Variants in ATG7 observed in about 807,000 individuals in gnomAD.
ATG7 encodes ubiquitin-like modifier-activating enzyme ATG7.
A neutral mutation model predicts 82.4 loss-of-function variants in ATG7; 70 were observed. The ratio of observed to expected loss-of-function variants is 0.85; its 90% CI spans 0.70 to 1.04. ATG7 has a LOEUF of 1.04. Among genes scored for constraint, ATG7 ranks in the 50% least tolerant of loss-of-function variants. ATG7 has a pLI of 0.00. For synonymous variants in ATG7, 287 were observed against 313.0 expected, an observed-to-expected ratio of 0.92 and a Z score of 0.88; for missense variants, 792 against 864.3, an observed-to-expected ratio of 0.92 and a Z score of 1.05.
At chr3:11,551,311 A>T (rs2071757960) in intron 20 of ATG7, among the ~76,000 whole-genome samples, 1 of 152,202 alleles carries the variant, frequency 6.6e-6, no homozygotes, top group Admixed American at 6.5e-5. Flanking sequence ...GTTTTTCCAC[A>T]TAGCCTAGAA....
intron 3 of ATG7, among the ~76,000 whole-genome samples, chr3:11,288,084 A>G (rs994635007): frequency 6.6e-6 from 1 of 152,194 alleles, no homozygotes; most frequent in Non-Finnish European, 1.5e-5. Flanking sequence ...AATATTTACT[A>G]TCTGGCCTTC....
intron 20 of ATG7, among the ~76,000 whole-genome samples, chr3:11,512,869 G>C (rs1229637269): frequency 6.6e-6 from 1 of 152,204 alleles, no homozygotes; most frequent in African/African-American, 2.4e-5. Context: ...ACAGAGAGCT[G>C]ATTGGTCCAT....
chr3:11,417,983 AT>A (rs892332434), intron 19 of ATG7, among the ~76,000 whole-genome samples: 1 of 144,034 alleles, frequency 6.9e-6, no homozygotes, highest in Admixed American at 6.9e-5. Context: ...GATTTTTTGT[AT>A]TTTTTTTAGT....
At chr3:11,285,707 C>A (rs565180724) in intron 3 of ATG7, among the ~76,000 whole-genome samples, 3 of 152,076 alleles carry the variant, frequency 2.0e-5, no homozygotes, top group African/African-American at 7.2e-5. Context: ...TGTTGAACAA[C>A]GTATAAAGCT....
chr3:11,546,297 G>A (rs1035873092), intron 20 of ATG7, among the ~76,000 whole-genome samples: 5 of 146,940 alleles, frequency 3.4e-5, no homozygotes, highest in African/African-American at 1.3e-4. Flanking sequence ...TCAGCCTCCC[G>A]AGTAGCTGGG....
chr3:11,541,896 C>T (rs754537996), intron 20 of ATG7, among the ~76,000 whole-genome samples: 3 of 152,236 alleles, frequency 2.0e-5, no homozygotes, highest in Non-Finnish European at 4.4e-5. Context: ...ATAACCATTT[C>T]GTTTAAAATG....
chr3:11,410,621 A>C (rs2080807444), intron 19 of ATG7, among the ~76,000 whole-genome samples: 1 of 152,148 alleles, frequency 6.6e-6, no homozygotes, highest in African/African-American at 2.4e-5. Flanking sequence ...CCTGCCAGCC[A>C]CTTTTCTAAG....
chr3:11,485,247 G>C (rs759851379), intron 20 of ATG7, among the ~76,000 whole-genome samples: 3 of 152,152 alleles, frequency 2.0e-5, no homozygotes, highest in Non-Finnish European at 2.9e-5. Flanking sequence ...TAACTGGTGT[G>C]AGATATCTCA....
At chr3:11,534,562 G>A (rs534936096) in intron 20 of ATG7, among the ~76,000 whole-genome samples, 3 of 152,360 alleles carry the variant, frequency 2.0e-5, no homozygotes, top group Admixed American at 1.3e-4. Flanking sequence ...TTCATGCCGG[G>A]TGGCTACGTG....
chr3:11,428,105 C>T (rs1429913758), intron 20 of ATG7, among the ~76,000 whole-genome samples: 1 of 152,176 alleles, frequency 6.6e-6, no homozygotes, highest in African/African-American at 2.4e-5. Flanking sequence ...TGCAATTCTT[C>T]CCACCAGCTA....
At chr3:11,358,683 C>G in intron 15 of ATG7, 71 bp downstream of exon 15, 2 of 1,491,874 alleles carry the variant, frequency 1.3e-6, no homozygotes, top group Admixed American at 3.9e-5. Flanking sequence ...TGTCCCTAAC[C>G]TTCCCTTCCC....
chr3:11,542,330 G>T (rs1398312710), intron 20 of ATG7, among the ~76,000 whole-genome samples: 1 of 152,236 alleles, frequency 6.6e-6, no homozygotes, highest in Non-Finnish European at 1.5e-5. Context: ...GGGACCCTGA[G>T]GTCCATTTTC....
At chr3:11,279,235 T>A (rs142509835) in intron 1 of ATG7, among the ~76,000 whole-genome samples, 10 of 152,220 alleles carry the variant, frequency 6.6e-5, no homozygotes, top group Non-Finnish European at 1.0e-4. Flanking sequence ...CTGCATTTAT[T>A]GAGAGAGAGC....
chr3:11,568,977 A>G, the ATG7 span: 1 of 1,156,042 alleles, frequency 8.7e-7, no homozygotes, highest in Non-Finnish European at 1.1e-6. The surrounding 1 kb of genome is among the most constrained non-coding windows in gnomAD (Gnocchi z 5.9). Flanking sequence ...GGAGGGAAAG[A>G]GAGGCCTACA....
intron 14 of ATG7, among the ~76,000 whole-genome samples, chr3:11,350,971 G>T (rs2075497235): frequency 6.8e-6 from 1 of 146,544 alleles, no homozygotes; most frequent in Non-Finnish European, 1.5e-5. Flanking sequence ...TCTATCGTTG[G>T]AGAGTATTAT....
At chr3:11,292,858 A>C (rs986456491) in intron 3 of ATG7, among the ~76,000 whole-genome samples, 2 of 151,798 alleles carry the variant, frequency 1.3e-5, no homozygotes, top group African/African-American at 4.8e-5. Flanking sequence ...GAGAGAATTG[A>C]ATTCAATTGA....
chr3:11,572,501 G>GC, the ATG7 span, among the ~76,000 whole-genome samples: 1 of 152,140 alleles, frequency 6.6e-6, no homozygotes, highest in South Asian at 2.1e-4. Context: ...ACATGCAGAC[G>GC]CATGAGGTCC....
chr3:11,503,780 C>CAAAAAAAAAAAAAA (rs1409208916), intron 20 of ATG7, among the ~76,000 whole-genome samples: 1 of 105,462 alleles, frequency 9.5e-6, no homozygotes, highest in African/African-American at 3.3e-5. Flanking sequence ...AAAAAAAAAT[C>CAAAAAAAAAAAAAA]AAATGATTAA....
intron 19 of ATG7, among the ~76,000 whole-genome samples, chr3:11,380,759 A>T (rs2077833236): frequency 6.6e-6 from 1 of 152,162 alleles, no homozygotes; most frequent in Non-Finnish European, 1.5e-5. Context: ...GATTGCTGAT[A>T]AGTAAAGATT....
Sources: gnomAD v4.1 joint callset for allele counts (sites outside exome capture counted in the v4.1 genomes callset) on GRCh38, gnomAD v4.1.1 for gene constraint, Gnocchi (gnomAD v3.1) non-coding constraint, MANE v1.5 for transcripts, NCBI Gene and HGNC (gene_info 2026-07-23, HGNC 2026-07-21) for gene names.